PRDM6: variants seen among roughly 807,000 people sequenced by gnomAD.
PRDM6 encodes PR/SET domain 6.
Under a neutral mutation model 60.8 loss-of-function variants are expected in PRDM6, and 25 were observed. The observed-to-expected ratio is 0.41, with a 90% confidence interval of 0.30 to 0.57. PRDM6 has a LOEUF of 0.57. Ranked by LOEUF, PRDM6 falls within the 20% of genes least tolerant of loss-of-function variation. PRDM6 has a pLI of 0.27. For synonymous variants in PRDM6, 407 were observed against 357.4 expected (o/e 1.14, Z -1.57); for missense variants, 839 against 821.3 (o/e 1.02, Z -0.26).
chr5:123,174,442 A>T (rs1197142273), intron 6 of PRDM6, among the ~76,000 whole-genome samples: 1 of 152,228 alleles, frequency 6.6e-6, no homozygotes, highest in East Asian at 1.9e-4. Flanking sequence ...CAGGTACAAG[A>T]AAGGCAAGAA....
rs10068975 is a variant in PRDM6 at position 123,101,730 on chromosome 5, T to A, written c.900+1769T>A. Among the ~76,000 whole-genome samples the A allele has an allele frequency of 9.1e-3, 1,388 of 152,248 alleles. 22 individuals carry two copies. Among genetic ancestry groups the A allele is most frequent in the African/African-American group, 0.031 (1,302 of 41,532 alleles). On this transcript the variant is annotated intron_variant, in intron 3 of 7. Transcript: ENST00000407847. ...AAAAATCTCATAGTTCATTGTGGGT[T>A]TTTTCCCCCCCAGAAGGCTTTGAAT... is the stretch of plus-strand genomic sequence containing the variant.
chr5:123,148,275 G>A (rs1180538033), intron 3 of PRDM6, among the ~76,000 whole-genome samples: 1 of 152,126 alleles, frequency 6.6e-6, no homozygotes, highest in Non-Finnish European at 1.5e-5. Flanking sequence ...ATACAGCAAT[G>A]GTGTATATAA....
rs940260059 is a variant in PRDM6, at chr5:123,129,869, A to G, written c.901-26015A>G. Among the ~76,000 whole-genome samples, 28 of 152,322 alleles carry G rather than the reference A, an allele frequency of 1.8e-4. No individual in the cohort carries two copies. In the South Asian group the frequency reaches 1.9e-3, roughly 10 times the overall value. On this transcript the variant is annotated intron_variant, in intron 3 of 7. Coordinates refer to ENST00000407847, the MANE Select transcript of PRDM6 (RefSeq NM_001136239.4). ...TAAGACAGGGAGAATCAGAAAATTC[A>G]ATATTTCAAACCTAAGCAATTCCTG...
intron 3 of PRDM6, among the ~76,000 whole-genome samples, chr5:123,138,982 G>C (rs546688665): frequency 1.1e-4 from 16 of 152,300 alleles, no homozygotes; most frequent in African/African-American, 3.6e-4. Flanking sequence ...CCCCCATGCT[G>C]TTCTCCTGAT....
chr5:123,170,995 C>T lies in PRDM6; in HGVS notation c.1383C>T (p.Ser461=), dbSNP rs1765878874. ...QRVLASPTST[S]QLHSEFSDWH... ...TCCTGGCAAGCCCAACTTCCACAAG[C>T]CAGCTCCACTCGGAGTTCAGTGACT... Residue 461 remains serine (S), a synonymous_variant, in exon 6 of 8, where the codon AGC becomes AGT. Coordinates refer to ENST00000407847, the MANE Select transcript of PRDM6 (RefSeq NM_001136239.4). 1 of 1,551,918 alleles carries T rather than the reference C, an allele frequency of 6.4e-7. No homozygotes were observed. The highest frequency in any genetic ancestry group is 8.7e-7 in the Non-Finnish European group (1 of 1,147,050).
At chr5:123,161,619 T>C (rs1456728642) in intron 5 of PRDM6, among the ~76,000 whole-genome samples, 7 of 152,186 alleles carry the variant, frequency 4.6e-5, no homozygotes, top group Non-Finnish European at 1.5e-5. Context: ...GATGGGAATG[T>C]TCCTGGCATG....
At chr5:123,175,127 G>T (rs1227078062) in intron 6 of PRDM6, among the ~76,000 whole-genome samples, 1 of 152,076 alleles carries the variant, frequency 6.6e-6, no homozygotes, top group Non-Finnish European at 1.5e-5. Context: ...ATGGTGGTGG[G>T]GGGTATGCTC....
At chr5:123,101,847 A>G (rs1764110968) in intron 3 of PRDM6, among the ~76,000 whole-genome samples, 1 of 152,168 alleles carries the variant, frequency 6.6e-6, no homozygotes, top group African/African-American at 2.4e-5. Flanking sequence ...TTCTACCTTT[A>G]CTTGTACTTG....
chr5:123,127,536 G>A (rs933854906), intron 3 of PRDM6, among the ~76,000 whole-genome samples: 2 of 152,142 alleles, frequency 1.3e-5, no homozygotes, highest in African/African-American at 4.8e-5. Context: ...AAAAATTTAA[G>A]CATTGTTAGT....
At position 123,090,186 on chromosome 5, in the gene PRDM6, C is replaced by T; in HGVS notation, c.172C>T (p.Pro58Ser). The T allele has an allele frequency of 2.0e-6, 3 of 1,487,906 alleles. No homozygotes were observed. The highest frequency in any genetic ancestry group is 2.7e-6 in the Non-Finnish European group (3 of 1,122,486). 92.2% of individuals were successfully genotyped at this position (1,487,906 alleles called of 1,614,324 possible). Residue 58 changes from proline to serine, a missense_variant, in exon 2 of 8, where the codon CCC (proline) becomes TCC (serine). Pro to Ser is a moderately conservative substitution (Grantham distance 74). Transcript: ENST00000407847. Reference protein sequence around the residue: ...QPLQPPPPPPPPERAEPPPDS... With the variant: ...QPLQPPPPPPSPERAEPPPDS... The stretch of plus-strand genomic sequence containing the variant: ...TCTTCAGCCGCCGCCGCCGCCCCCG[C>T]CCCCGGAGCGCGCTGAGCCTCCGCC...
At chr5:123,167,122 C>G (rs1383355393) in intron 5 of PRDM6, among the ~76,000 whole-genome samples, 1 of 152,088 alleles carries the variant, frequency 6.6e-6, no homozygotes, top group Non-Finnish European at 1.5e-5. Flanking sequence ...CCTAAAAGTG[C>G]TGCTTTAAAT....
chr5:123,102,645 G>T (rs1387837392), intron 3 of PRDM6, among the ~76,000 whole-genome samples: 2 of 151,950 alleles, frequency 1.3e-5, no homozygotes, highest in African/African-American at 4.8e-5. Flanking sequence ...AAAAGCAGTT[G>T]AATCATGATT....
intron 3 of PRDM6, among the ~76,000 whole-genome samples, chr5:123,130,949 C>G (rs1395822507): frequency 1.3e-5 from 2 of 152,142 alleles, no homozygotes; most frequent in Non-Finnish European, 2.9e-5. Context: ...GCTTTTGAGC[C>G]AAATGATAGC....
chr5:123,113,153 A>T (rs1764355615), intron 3 of PRDM6, among the ~76,000 whole-genome samples: 1 of 152,210 alleles, frequency 6.6e-6, no homozygotes, highest in Non-Finnish European at 1.5e-5. Flanking sequence ...TACATTTGTT[A>T]CAATGACTGA....
chr5:123,147,819 A>G (rs335169), intron 3 of PRDM6, among the ~76,000 whole-genome samples: 108,420 of 152,176 alleles, frequency 0.71, 38,779 homozygotes, highest in Non-Finnish European at 0.75. Flanking sequence ...CAGACAGAGC[A>G]TGCCTGAAGA....
Position 123,146,833 on chromosome 5 carries a change from C to T in PRDM6, c.901-9051C>T, listed in dbSNP as rs938729555. On this transcript the variant is annotated intron_variant, in intron 3 of 7. Coordinates refer to ENST00000407847, the MANE Select transcript of PRDM6 (RefSeq NM_001136239.4). Reference sequence around the variant, plus strand: ...GAAGCTGGAAACTGTGGTGCTTACTCGTTCATCTCAGGATATGGATACAAA... The same window carrying T: ...GAAGCTGGAAACTGTGGTGCTTACTTGTTCATCTCAGGATATGGATACAAA... 1.2e-4 allele frequency among the ~76,000 whole-genome samples: 18 copies of T among 152,256 alleles called. No individual in the cohort carries two copies. In the South Asian group the frequency reaches 3.5e-3, roughly 30 times the overall value.
intron 7 of PRDM6, among the ~76,000 whole-genome samples, chr5:123,183,670 C>T (rs1286746189): frequency 6.6e-6 from 1 of 152,148 alleles, no homozygotes; most frequent in Non-Finnish European, 1.5e-5. Context: ...TACTGGAAGT[C>T]ATGGAAAACA....
intron 6 of PRDM6, among the ~76,000 whole-genome samples, chr5:123,173,850 A>G (rs1203356446): frequency 5.9e-5 from 9 of 152,168 alleles, no homozygotes; most frequent in African/African-American, 1.9e-4. Context: ...GGAACCCAGT[A>G]TGCTCTGTTT....
chr5:123,111,082 G>A (rs1183768168), intron 3 of PRDM6, among the ~76,000 whole-genome samples: 1 of 152,032 alleles, frequency 6.6e-6, no homozygotes, highest in African/African-American at 2.4e-5. Flanking sequence ...TATGTGTAGG[G>A]TTTCAGATAT....
Sources: allele counts gnomAD v4.1 joint callset (sites outside exome capture counted in the v4.1 genomes callset), GRCh38; gene constraint gnomAD v4.1.1; transcripts MANE v1.5; gene names NCBI Gene and HGNC (gene_info 2026-07-23, HGNC 2026-07-21).